FAM135A: variants seen among roughly 807,000 people sequenced by gnomAD.
FAM135A encodes the protein family with sequence similarity 135 member A.
A neutral mutation model predicts 146.8 loss-of-function variants in FAM135A; 79 were observed. The ratio of observed to expected loss-of-function variants is 0.54; its 90% confidence interval spans 0.45 to 0.65. The LOEUF (loss-of-function observed/expected upper bound fraction) is 0.65. FAM135A is among the 30% of genes least tolerant of loss of function. FAM135A has a pLI of 0.00. For synonymous variants in FAM135A, 562 were observed against 603.6 expected, an observed-to-expected ratio of 0.93 and a Z score of 1.01; for missense variants, 1,623 against 1,758.2, an observed-to-expected ratio of 0.92 and a Z score of 1.38.
At chr6:70,510,917 C>T (rs771678346) in intron 12 of FAM135A, among the ~76,000 whole-genome samples, 6 of 152,046 alleles carry the variant, frequency 3.9e-5, no homozygotes, top group Admixed American at 1.3e-4. Context: ...TCTTCATATA[C>T]TTACAAACAC....
chr6:70,424,093 G>T (rs145249917), intron 2 of FAM135A, among the ~76,000 whole-genome samples: 4 of 152,160 alleles, frequency 2.6e-5, no homozygotes, highest in Non-Finnish European at 5.9e-5. Context: ...CTGCTTTCTG[G>T]TAAGAATGAA....
intron 4 of FAM135A, among the ~76,000 whole-genome samples, chr6:70,450,665 A>G (rs142606310): frequency 2.3e-5 from 3 of 131,822 alleles, no homozygotes; most frequent in African/African-American, 5.7e-5. Context: ...TTTGATTACA[A>G]TTGCTTGGAA....
intron 4 of FAM135A, 84 bp downstream of exon 4, chr6:70,428,503 C>T: frequency 2.4e-6 from 2 of 844,030 alleles, no homozygotes; most frequent in Non-Finnish European, 3.5e-6. Context: ...TTTATTCCAG[C>T]ATATATAAGG....
chr6:70,437,686 G>A (rs1007965636), intron 4 of FAM135A, among the ~76,000 whole-genome samples: 1 of 152,090 alleles, frequency 6.6e-6, no homozygotes, highest in Non-Finnish European at 1.5e-5. Flanking sequence ...ATGTTCCAGA[G>A]CACGATGGGA....
chr6:70,459,286 G>A (rs1181087494), intron 5 of FAM135A, among the ~76,000 whole-genome samples: 2 of 152,148 alleles, frequency 1.3e-5, no homozygotes. Context: ...AGGAAAAATA[G>A]TTTAAAATAA....
Position 70,508,610 on chromosome 6 carries a change from T to C in FAM135A, c.1029+5819T>C, listed in dbSNP as rs1345602305. 2.0e-5 allele frequency among the ~76,000 whole-genome samples: 3 copies of C among 152,184 alleles called. No individual in the cohort carries two copies. In the East Asian group the frequency reaches 5.8e-4, roughly 29 times the overall value. On this transcript the variant is annotated intron_variant, in intron 12 of 21. Transcript: ENST00000418814. ...AGCATTGCTGCCCTAACCAAGCTTTTGTTAGGGTTAGTGGAGTCAGACAAA... is the reference window on the plus strand; with the variant it reads ...AGCATTGCTGCCCTAACCAAGCTTTCGTTAGGGTTAGTGGAGTCAGACAAA...
chr6:70,450,823 ACT>A (rs1360834641), intron 4 of FAM135A, among the ~76,000 whole-genome samples: 3 of 132,206 alleles, frequency 2.3e-5, no homozygotes, highest in African/African-American at 8.8e-5. Flanking sequence ...CTCACTGCAA[ACT>A]CTGCCTCCTG....
At chr6:70,541,079 C>T (rs1797831301) in intron 20 of FAM135A, among the ~76,000 whole-genome samples, 1 of 152,154 alleles carries the variant, frequency 6.6e-6, no homozygotes, top group African/African-American at 2.4e-5. Context: ...ATAATCTGTT[C>T]AAGAATAATT....
intron 5 of FAM135A, among the ~76,000 whole-genome samples, chr6:70,470,135 GA>G (rs1781318080): frequency 6.6e-6 from 1 of 152,182 alleles, no homozygotes; most frequent in South Asian, 2.1e-4. Context: ...TTTGGCAAAG[GA>G]GAAATCATTA....
intron 11 of FAM135A, among the ~76,000 whole-genome samples, chr6:70,501,597 G>T (rs995673711): frequency 3.9e-5 from 6 of 152,204 alleles, no homozygotes; most frequent in African/African-American, 1.4e-4. Context: ...CCAGTTTTGT[G>T]CTTGTAACCC....
intron 4 of FAM135A, among the ~76,000 whole-genome samples, chr6:70,435,233 T>C (rs1401043634): frequency 6.6e-6 from 1 of 151,456 alleles, no homozygotes; most frequent in Non-Finnish European, 1.5e-5. Flanking sequence ...GCCTCCTGAA[T>C]AGCTGGGATT....
rs532753712 is a variant in FAM135A at position 70,427,796 on chromosome 6, G to GA, written c.-39-502dup. 3.9e-4 allele frequency among the ~76,000 whole-genome samples: 59 copies of GA among 152,064 alleles called. 1 individual carries two copies. In the South Asian group the frequency reaches 0.011, roughly 28 times the overall value. On this transcript the variant is annotated intron_variant, in intron 3 of 21. Coordinates refer to ENST00000418814, the MANE Select transcript of FAM135A (RefSeq NM_001162529.3). ...GAATACTTTAGAATTTGTAATAAAGGAAAAAATCTCTTTCTCTTTAAATTT... is the reference window on the plus strand; with the variant it reads ...GAATACTTTAGAATTTGTAATAAAGGAAAAAAATCTCTTTCTCTTTAAATTT...
At chr6:70,511,218 A>G (rs955066609) in intron 12 of FAM135A, among the ~76,000 whole-genome samples, 38 of 151,762 alleles carry the variant, frequency 2.5e-4, no homozygotes, top group African/African-American at 8.2e-4. Context: ...GTTTTCTTCT[A>G]TTCTATGAGT....
At chr6:70,500,907 G>A (rs1290918709) in intron 11 of FAM135A, among the ~76,000 whole-genome samples, 1 of 152,200 alleles carries the variant, frequency 6.6e-6, no homozygotes, top group Non-Finnish European at 1.5e-5. Context: ...TCTTGTATGA[G>A]TTGTCTGTCG....
At chr6:70,541,466 G>A (rs900230871) in intron 20 of FAM135A, among the ~76,000 whole-genome samples, 3 of 151,904 alleles carry the variant, frequency 2.0e-5, no homozygotes, top group African/African-American at 7.3e-5. Flanking sequence ...CCATTTTTGT[G>A]GGATCCACCT....
intron 5 of FAM135A, among the ~76,000 whole-genome samples, chr6:70,453,488 A>G (rs982786530): frequency 6.6e-5 from 10 of 152,180 alleles, no homozygotes; most frequent in Admixed American, 1.3e-4. Flanking sequence ...ATATGTATAC[A>G]TGTGCCATGT....
intron 3 of FAM135A, among the ~76,000 whole-genome samples, chr6:70,427,553 T>G (rs368754649): frequency 6.6e-6 from 1 of 151,208 alleles, no homozygotes; most frequent in Non-Finnish European, 1.5e-5. Flanking sequence ...AAAAAAAAAT[T>G]AATATTGTAA....
intron 12 of FAM135A, among the ~76,000 whole-genome samples, chr6:70,507,882 AATC>A (rs935541631): frequency 1.1e-4 from 17 of 152,126 alleles, no homozygotes; most frequent in African/African-American, 4.1e-4. Flanking sequence ...AAAAATCTGA[AATC>A]ATCCTGAATT....
intron 4 of FAM135A, among the ~76,000 whole-genome samples, chr6:70,445,613 A>G (rs1395493285): frequency 6.6e-6 from 1 of 152,184 alleles, no homozygotes; most frequent in Non-Finnish European, 1.5e-5. Context: ...GGGTTTGGCT[A>G]GTTATCTGCA....
Sources: allele counts gnomAD v4.1 joint callset (sites outside exome capture counted in the v4.1 genomes callset), GRCh38; gene constraint gnomAD v4.1.1; transcripts MANE v1.5; gene names NCBI Gene and HGNC (gene_info 2026-07-23, HGNC 2026-07-21).